The following COP1 variants were observed in gnomAD, a reference collection of about 807,000 sequenced individuals.
COP1 encodes COP1 E3 ubiquitin ligase.
In COP1, 24 loss-of-function variants were observed where a neutral mutation model predicts 101.3. The observed-to-expected ratio is 0.24, with a 90% confidence interval of 0.17 to 0.33. The LOEUF is 0.33. Among genes scored for constraint, COP1 ranks in the 10% least tolerant of loss-of-function variants. The pLI is 1.00. For missense variants in COP1, 663 were observed against 906.2 expected, an observed-to-expected ratio of 0.73 and a Z score of 3.45; for synonymous variants, 347 against 341.9, an observed-to-expected ratio of 1.01 and a Z score of -0.17.
chr1:176,151,360 AG>A (rs1195658865), intron 5 of COP1, among the ~76,000 whole-genome samples: 2 of 58,850 alleles, frequency 3.4e-5, no homozygotes, highest in Non-Finnish European at 9.3e-5. Context: ...AGAAAAAGAA[AG>A]AAAGAAAGAA....
At chr1:175,956,896 C>T (rs896518267) in intron 18 of COP1, among the ~76,000 whole-genome samples, 4 of 151,874 alleles carry the variant, frequency 2.6e-5, no homozygotes, top group Admixed American at 2.0e-4. Flanking sequence ...TGAAGACATT[C>T]CGATGGGACA....
intron 10 of COP1, among the ~76,000 whole-genome samples, chr1:176,082,851 A>G (rs751705363): frequency 1.3e-5 from 2 of 151,966 alleles, no homozygotes; most frequent in African/African-American, 2.4e-5. Flanking sequence ...AATAAATAAC[A>G]TTACTTGAGG....
At chr1:176,065,699 T>C (rs1675802262) in intron 11 of COP1, among the ~76,000 whole-genome samples, 1 of 148,466 alleles carries the variant, frequency 6.7e-6, no homozygotes, top group Non-Finnish European at 1.5e-5. Context: ...AGGAAGGGGA[T>C]AATGATTTTT....
intron 15 of COP1, among the ~76,000 whole-genome samples, chr1:175,990,406 TG>T (rs1470248055): frequency 4.6e-5 from 7 of 152,152 alleles, no homozygotes; most frequent in Non-Finnish European, 1.0e-4. Flanking sequence ...GTCTTAAATA[TG>T]GTGTCCCCTG....
At chr1:176,148,529 C>T (rs1179008707) in intron 6 of COP1, among the ~76,000 whole-genome samples, 3 of 152,104 alleles carry the variant, frequency 2.0e-5, no homozygotes, top group East Asian at 1.9e-4. Context: ...AGAACATGCT[C>T]GCTATAAAAC....
At chr1:176,087,138 C>T (rs553522414) in intron 9 of COP1, among the ~76,000 whole-genome samples, 26 of 152,268 alleles carry the variant, frequency 1.7e-4, no homozygotes, top group Admixed American at 5.2e-4. Flanking sequence ...AAATGTTAGA[C>T]CTAAAACCAT....
intron 1 of COP1, among the ~76,000 whole-genome samples, chr1:176,192,344 C>A (rs1370538429): frequency 2.0e-5 from 3 of 152,096 alleles, no homozygotes; most frequent in African/African-American, 7.2e-5. Context: ...TTAGGAGAAT[C>A]CTCTCATAGT....
At chr1:175,959,259 C>A (rs530473352) in intron 18 of COP1, among the ~76,000 whole-genome samples, 1 of 151,890 alleles carries the variant, frequency 6.6e-6, no homozygotes, top group East Asian at 1.9e-4. Flanking sequence ...CTTTAGCATT[C>A]ATTTATGGTA....
At chr1:176,082,071 C>T (rs554088303) in intron 10 of COP1, among the ~76,000 whole-genome samples, 5 of 152,124 alleles carry the variant, frequency 3.3e-5, no homozygotes, top group African/African-American at 7.2e-5. Context: ...GAGAATACAA[C>T]GAATCTATTC....
chr1:175,965,167 T>G (rs970478114), intron 18 of COP1, among the ~76,000 whole-genome samples: 1 of 152,110 alleles, frequency 6.6e-6, no homozygotes, highest in Non-Finnish European at 1.5e-5. Context: ...AAATAGCTTC[T>G]CTCCTCATGT....
At chr1:176,033,193 C>T (rs1238427334) in intron 14 of COP1, among the ~76,000 whole-genome samples, 1 of 152,106 alleles carries the variant, frequency 6.6e-6, no homozygotes, top group Non-Finnish European at 1.5e-5. Context: ...GGGTGGATCA[C>T]TTAAGATCAG....
intron 11 of COP1, among the ~76,000 whole-genome samples, chr1:176,070,941 C>A (rs1676889970): frequency 6.6e-6 from 1 of 152,186 alleles, no homozygotes; most frequent in South Asian, 2.1e-4. Context: ...GCATGAGCTC[C>A]CATGTGCAAC....
rs550292584 is a variant in COP1, at chr1:176,067,676, A to T, written c.1277+13476T>A. 2.0e-5 allele frequency among the ~76,000 whole-genome samples: 3 copies of T among 152,306 alleles called. No individual in the cohort carries two copies. In the East Asian group the frequency reaches 5.8e-4, roughly 29 times the overall value. The stretch of plus-strand genomic sequence containing the variant: ...AAGCTTGCACTCATTCTCCAAGCCC[A>T]TGTGAGATCCAATTTTTCTGGTACA... On this transcript the variant is annotated intron_variant, in intron 11 of 19. Coordinates refer to ENST00000367669, the MANE Select transcript of COP1 (RefSeq NM_022457.7).
At chr1:175,989,828 A>T (rs968022053) in intron 15 of COP1, among the ~76,000 whole-genome samples, 2 of 152,146 alleles carry the variant, frequency 1.3e-5, no homozygotes, top group African/African-American at 4.8e-5. Context: ...TTTGCATATA[A>T]TAAAATACAC....
intron 9 of COP1, among the ~76,000 whole-genome samples, chr1:176,104,035 T>A (rs1176892801): frequency 6.6e-6 from 1 of 152,022 alleles, no homozygotes; most frequent in Non-Finnish European, 1.5e-5. Flanking sequence ...TTAAAACATA[T>A]CATAAAGCGT....
At chr1:176,089,631 TA>T (rs1301021630) in intron 9 of COP1, among the ~76,000 whole-genome samples, 4 of 152,210 alleles carry the variant, frequency 2.6e-5, no homozygotes, top group South Asian at 4.2e-4. Context: ...TGGGAGGAGG[TA>T]AGAGTCATAT....
intron 9 of COP1, 41 bp from the exon 10 acceptor site, chr1:176,085,931 T>C (rs770606039): frequency 1.8e-6 from 2 of 1,117,776 alleles, no homozygotes; most frequent in Non-Finnish European, 2.7e-6. Context: ...GAATAAACAA[T>C]ACTCTTCTTT....
At chr1:175,997,868 A>G (rs1007288977) in intron 15 of COP1, among the ~76,000 whole-genome samples, 30 of 152,082 alleles carry the variant, frequency 2.0e-4, no homozygotes, top group Admixed American at 1.1e-3. Flanking sequence ...AGAACTAGAA[A>G]TACCATTTGA....
chr1:176,033,187 G>A (rs566838170), intron 14 of COP1, among the ~76,000 whole-genome samples: 6 of 152,178 alleles, frequency 3.9e-5, no homozygotes, highest in Admixed American at 3.9e-4. Context: ...CGAGGTGGGT[G>A]GATCACTTAA....
Sources: allele counts gnomAD v4.1 joint callset (sites outside exome capture counted in the v4.1 genomes callset), GRCh38; gene constraint gnomAD v4.1.1; transcripts MANE v1.5; gene names NCBI Gene and HGNC (gene_info 2026-07-23, HGNC 2026-07-21).